The following NKTR variants were observed in gnomAD, a reference collection of about 807,000 sequenced individuals.
The protein encoded by NKTR is natural killer cell triggering receptor, also known as NK-tumor recognition protein.
A neutral mutation model predicts 156.3 loss-of-function variants in NKTR; 67 were observed. The observed-to-expected ratio is 0.43, with a 90% CI of 0.35 to 0.53. The LOEUF is 0.53. NKTR is among the 20% of genes least tolerant of loss of function. The probability of loss-of-function intolerance (pLI) is 0.01; values close to 1 mark genes in which losing one functional copy is unlikely to be tolerated. For synonymous variants in NKTR, 640 were observed against 596.6 expected, an observed-to-expected ratio of 1.07 and a Z score of -1.06; for missense variants, 1,604 against 1,730.9, an observed-to-expected ratio of 0.93 and a Z score of 1.30.
At chr3:42,629,443 T>A (rs1175889201) in intron 6 of NKTR, 1 of 952,768 alleles carries the variant, frequency 1.0e-6, no homozygotes, top group East Asian at 1.1e-4. Flanking sequence ...TACAAATCCT[T>A]GTAGAATAAA....
At chr3:42,604,813 C>T (rs1344430267) in intron 2 of NKTR, among the ~76,000 whole-genome samples, 1 of 151,290 alleles carries the variant, frequency 6.6e-6, no homozygotes, top group Non-Finnish European at 1.5e-5. Context: ...CTCTGCCTCC[C>T]CAGTAGCTGG....
chr3:42,618,903 C>G (rs1171065827), intron 3 of NKTR, 117 bp from the exon 4 acceptor site: 1 of 791,018 alleles, frequency 1.3e-6, no homozygotes, highest in South Asian at 1.9e-5. Context: ...TTTCTTATAT[C>G]TCTTCCAGTG....
chr3:42,626,324 T>G (rs974889894), intron 6 of NKTR, among the ~76,000 whole-genome samples: 1 of 152,158 alleles, frequency 6.6e-6, no homozygotes, highest in Admixed American at 6.6e-5. Context: ...TAAAGCATTT[T>G]GTTCATGGTA....
At chr3:42,615,646 T>G (rs1707285467) in intron 2 of NKTR, among the ~76,000 whole-genome samples, 1 of 152,168 alleles carries the variant, frequency 6.6e-6, no homozygotes, top group African/African-American at 2.4e-5. Flanking sequence ...CCCTATGTTT[T>G]GATTATTTCG....
At chr3:42,621,389 TATA>T in intron 5 of NKTR, 37 bp from the exon 6 acceptor site, 1 of 1,585,098 alleles carries the variant, frequency 6.3e-7, no homozygotes, top group Non-Finnish European at 8.6e-7. Context: ...TAAAGTGACT[TATA>T]ATTGGAGACT....
intron 7 of NKTR, chr3:42,630,937 A>G (rs1057428215): frequency 1.5e-5 from 21 of 1,392,184 alleles, no homozygotes; most frequent in Non-Finnish European, 1.9e-5. Context: ...CTTTACCCTA[A>G]AATGGTTAAG....
Position 42,637,618 on chromosome 3 carries a change from T to A in NKTR, c.1914T>A (p.Ala638=), listed in dbSNP as rs776641538. 3.7e-6 allele frequency: 6 copies of A among 1,610,178 alleles called. 1 individual carries two copies. In the South Asian group the frequency reaches 6.7e-5, roughly 18 times the overall value. ...ATGAGCGAATTCAGGAAATGAAAGC[T>A]AAAACAACCCATTTGCTACCCATCC... ...PSYERIQEMK[A]KTTHLLPIQS... Residue 638 remains alanine (A), a synonymous_variant, in exon 13 of 17, where the codon GCT becomes GCA. Coordinates refer to ENST00000232978, the MANE Select transcript of NKTR (RefSeq NM_005385.4).
At chr3:42,633,411 G>T in intron 9 of NKTR, 169 bp from the exon 10 acceptor site, 3 of 1,371,822 alleles carry the variant, frequency 2.2e-6, no homozygotes, top group East Asian at 5.4e-5. Flanking sequence ...TAGTCTTTGG[G>T]TTTTTCACTG....
intron 2 of NKTR, among the ~76,000 whole-genome samples, chr3:42,607,870 A>AT (rs1706372598): frequency 6.6e-6 from 1 of 151,026 alleles, no homozygotes; most frequent in Non-Finnish European, 1.5e-5. Flanking sequence ...TCTGGACACT[A>AT]TCTACCTGGA....
intron 6 of NKTR, among the ~76,000 whole-genome samples, chr3:42,622,335 A>G (rs1380621241): frequency 6.6e-6 from 1 of 152,092 alleles, no homozygotes; most frequent in African/African-American, 2.4e-5. Context: ...ATAACTGTCC[A>G]GCATGAGGGT....
intron 6 of NKTR, chr3:42,628,350 A>G: frequency 1.0e-6 from 1 of 985,404 alleles, no homozygotes; most frequent in African/African-American, 1.7e-5. Flanking sequence ...TTTCATTTGA[A>G]TTAAAAACTA....
At chr3:42,643,211 C>G in intron 14 of NKTR, 128 bp from the exon 15 acceptor site, 2 of 715,542 alleles carry the variant, frequency 2.8e-6, no homozygotes, top group Non-Finnish European at 4.7e-6. Flanking sequence ...GATATGAAAA[C>G]AAAACAAATG....
chr3:42,640,437 C>G (rs983640027), intron 13 of NKTR, among the ~76,000 whole-genome samples: 1 of 152,070 alleles, frequency 6.6e-6, no homozygotes, highest in Non-Finnish European at 1.5e-5. Flanking sequence ...GTGTTGCATT[C>G]TTTTTCTTGT....
At chr3:42,607,822 C>T (rs1168650393) in intron 2 of NKTR, among the ~76,000 whole-genome samples, 3 of 151,974 alleles carry the variant, frequency 2.0e-5, no homozygotes, top group Non-Finnish European at 2.9e-5. Context: ...GTAACAGATT[C>T]TTCAAAGCCA....
chr3:42,641,739 G>C (rs766695202), intron 13 of NKTR, among the ~76,000 whole-genome samples: 8 of 151,990 alleles, frequency 5.3e-5, no homozygotes, highest in Admixed American at 2.0e-4. Flanking sequence ...TTAGCCGGGC[G>C]TGGTAGTGCG....
At chr3:42,623,693 G>T (rs966267091) in intron 6 of NKTR, 1 of 152,132 alleles carries the variant, frequency 6.6e-6, no homozygotes, top group Admixed American at 6.6e-5. Context: ...TTATGTATAT[G>T]ATCACAGATA....
At chr3:42,636,686 A>G (rs549213475) in intron 12 of NKTR, among the ~76,000 whole-genome samples, 182 bp from the exon 13 acceptor site, 64 of 152,346 alleles carry the variant, frequency 4.2e-4, no homozygotes, top group African/African-American at 1.5e-3. Context: ...TGAATTTGTT[A>G]GTAGTTCTTA....
intron 7 of NKTR, 177 bp from the exon 8 acceptor site, chr3:42,630,994 G>A (rs1062051): frequency 0.15 from 217,914 of 1,416,142 alleles, 18,382 homozygotes; most frequent in African/African-American, 0.3. Flanking sequence ...TTGCATAATC[G>A]TTTCCTTTTA....
Position 42,642,556 on chromosome 3 carries a change from A to G in NKTR, c.4102A>G (p.Arg1368Gly), listed in dbSNP as rs1416073392. Residue 1368 changes from arginine (R) to glycine (G), a missense_variant, in exon 14 of 17, where the codon AGA becomes GGA. This residue lies in a region of NKTR where 193 missense variants were observed against 220.2 expected (regional missense o/e 0.88). Transcript: ENST00000232978. ...SRGWYSRGRTRSRSSSYRSYK... is the reference protein window; with the variant it reads ...SRGWYSRGRTGSRSSSYRSYK... Reference sequence around the variant, plus strand: ...AGGATGGTACAGCAGAGGCCGAACCAGAAGCCGGAGCAGTTCCTACCGGAG... The same window carrying G: ...AGGATGGTACAGCAGAGGCCGAACCGGAAGCCGGAGCAGTTCCTACCGGAG... 4.3e-6 allele frequency: 7 copies of G among 1,614,080 alleles called. No homozygotes were observed. The highest frequency in any genetic ancestry group is 1.7e-5 in the Admixed American group (1 of 60,012).
Sources: gnomAD v4.1 joint callset for allele counts (sites outside exome capture counted in the v4.1 genomes callset) on GRCh38, gnomAD v4.1.1 for gene constraint, gnomAD v4.1.1 regional missense constraint, MANE v1.5 for transcripts, NCBI Gene and HGNC (gene_info 2026-07-23, HGNC 2026-07-21) for gene names.